Variants in STAC observed in about 807,000 individuals in gnomAD.
STAC encodes the protein SH3 and cysteine rich domain.
Under a neutral mutation model 48.8 loss-of-function variants are expected in STAC, and 43 were observed. The observed-to-expected ratio is 0.88, with a 90% CI of 0.69 to 1.14. STAC has a LOEUF of 1.14. STAC is among the 50% of genes most tolerant of loss of function. The probability of loss-of-function intolerance (pLI) is 0.00; values close to 1 mark genes in which losing one functional copy is unlikely to be tolerated. For missense variants in STAC, 497 were observed against 504.0 expected, an observed-to-expected ratio of 0.99 and a Z score of 0.13; for synonymous variants, 193 against 179.5, an observed-to-expected ratio of 1.07 and a Z score of -0.60.
chr3:36,520,887 T>C (rs1248500590), intron 8 of STAC, among the ~76,000 whole-genome samples: 1 of 152,186 alleles, frequency 6.6e-6, no homozygotes, highest in Non-Finnish European at 1.5e-5. Context: ...TTCAGTTGAA[T>C]GCTTTTCTCT....
chr3:36,433,882 G>A (rs1165096012), intron 1 of STAC, among the ~76,000 whole-genome samples: 1 of 152,210 alleles, frequency 6.6e-6, no homozygotes, highest in Non-Finnish European at 1.5e-5. Context: ...GGTTTTTGGA[G>A]CTGGCTATGA....
At chr3:36,516,585 T>C (rs1347571871) in intron 8 of STAC, among the ~76,000 whole-genome samples, 2 of 152,176 alleles carry the variant, frequency 1.3e-5, no homozygotes, top group Non-Finnish European at 2.9e-5. Flanking sequence ...CTGGAGGTAA[T>C]GCAGACCATG....
intron 10 of STAC, among the ~76,000 whole-genome samples, chr3:36,537,892 T>C (rs1393029712): frequency 6.6e-6 from 1 of 152,018 alleles, no homozygotes; most frequent in Non-Finnish European, 1.5e-5. Context: ...AATTGATGCA[T>C]AGTTTTATTG....
At chr3:36,513,389 T>G (rs891977607) in intron 8 of STAC, among the ~76,000 whole-genome samples, 23 of 152,198 alleles carry the variant, frequency 1.5e-4, no homozygotes, top group Non-Finnish European at 3.2e-4. Flanking sequence ...CAAAATGTAT[T>G]TGATGCTCAA....
Position 36,512,243 on chromosome 3 carries a change from G to A in STAC, c.920+6409G>A, listed in dbSNP as rs1210450283. 3.3e-5 allele frequency among the ~76,000 whole-genome samples: 5 copies of A among 152,130 alleles called. No homozygotes were observed. In the East Asian group the frequency reaches 9.6e-4, roughly 29 times the overall value. On this transcript the variant is annotated intron_variant, in intron 8 of 10. Coordinates refer to ENST00000273183, the MANE Select transcript of STAC (RefSeq NM_003149.3). ...ATAATCAGTGGGAGAGGAGGAGACG[G>A]GCTTTATCAAGTAAAGCCGTGTTCT...
At chr3:36,391,398 A>G (rs17034997) in intron 1 of STAC, among the ~76,000 whole-genome samples, 25,593 of 152,106 alleles carry the variant, frequency 0.17, 2,686 homozygotes, top group Middle Eastern at 0.23. Flanking sequence ...TTCATCCACC[A>G]GCTGAAAACT....
chr3:36,398,316 A>AAAGCAAGCAAGCAAGC (rs58878974), intron 1 of STAC, among the ~76,000 whole-genome samples: 1 of 100,288 alleles, frequency 1.0e-5, no homozygotes, highest in East Asian at 2.9e-4. Context: ...AGAAAGAAAG[A>AAAGCAAGCAAGCAAGC]AAGCAAGAAA....
chr3:36,434,321 G>GAAAAAAAA (rs1282036934), intron 1 of STAC, among the ~76,000 whole-genome samples: 1 of 152,130 alleles, frequency 6.6e-6, no homozygotes, highest in African/African-American at 2.4e-5. Flanking sequence ...AACGAAAATA[G>GAAAAAAAA]TGAGCATTTC....
chr3:36,394,513 A>G (rs1352174397), intron 1 of STAC, among the ~76,000 whole-genome samples: 1 of 152,216 alleles, frequency 6.6e-6, no homozygotes, highest in African/African-American at 2.4e-5. Flanking sequence ...GTGGGACTAC[A>G]GCATAGCAAG....
At chr3:36,380,778 G>C in intron 1 of STAC, 24 bp downstream of exon 1, 1 of 1,573,076 alleles carries the variant, frequency 6.4e-7, no homozygotes, top group Non-Finnish European at 8.7e-7. Context: ...TTGCCCCCAA[G>C]AGAACACAAA....
At chr3:36,510,136 G>A (rs1698499804) in intron 8 of STAC, among the ~76,000 whole-genome samples, 1 of 152,028 alleles carries the variant, frequency 6.6e-6, no homozygotes, top group South Asian at 2.1e-4. Flanking sequence ...ATCAAAAAGT[G>A]GGCAAAGGAT....
At chr3:36,409,632 C>T (rs907341907) in intron 1 of STAC, 2 of 152,158 alleles carry the variant, frequency 1.3e-5, no homozygotes, top group African/African-American at 4.8e-5. Flanking sequence ...CACAGTGACA[C>T]TGACTTGAAG....
intron 5 of STAC, among the ~76,000 whole-genome samples, chr3:36,491,432 G>T (rs184320893): frequency 2.1e-4 from 32 of 152,254 alleles, no homozygotes; most frequent in African/African-American, 7.7e-4. Flanking sequence ...ATAATCTTCA[G>T]TTTCATAAGA....
At chr3:36,498,682 G>A (rs1250344985) in intron 6 of STAC, among the ~76,000 whole-genome samples, 1 of 152,104 alleles carries the variant, frequency 6.6e-6, no homozygotes, top group Non-Finnish European at 1.5e-5. Flanking sequence ...GAACCTGGGA[G>A]TTTGAGGCTG....
At chr3:36,384,304 A>T (rs1381611332) in intron 1 of STAC, among the ~76,000 whole-genome samples, 3 of 152,092 alleles carry the variant, frequency 2.0e-5, no homozygotes, top group Admixed American at 2.0e-4. Context: ...TTGAGGAATC[A>T]CACCTCAATA....
chr3:36,492,728 G>C (rs1698024509), intron 5 of STAC, among the ~76,000 whole-genome samples: 2 of 152,196 alleles, frequency 1.3e-5, no homozygotes, highest in Admixed American at 6.5e-5. Context: ...TACCTAAGTA[G>C]TGCATCCCTC....
At chr3:36,482,859 T>C in intron 2 of STAC, 133 bp from the exon 3 acceptor site, 1 of 630,234 alleles carries the variant, frequency 1.6e-6, no homozygotes, top group Non-Finnish European at 2.8e-6. Context: ...ATATATTTTT[T>C]TTCTATTTTG....
chr3:36,511,142 C>T (rs938811302), intron 8 of STAC, among the ~76,000 whole-genome samples: 22 of 151,754 alleles, frequency 1.4e-4, no homozygotes, highest in Admixed American at 4.0e-4. Context: ...TGAGGTTCCT[C>T]GTGTTTCAGG....
intron 1 of STAC, among the ~76,000 whole-genome samples, chr3:36,389,979 G>C (rs573544393): frequency 6.7e-6 from 1 of 149,402 alleles, no homozygotes; most frequent in Admixed American, 6.7e-5. Context: ...TGGGGGGGAA[G>C]GGAGTGCAGT....
Sources: allele counts gnomAD v4.1 joint callset (sites outside exome capture counted in the v4.1 genomes callset), GRCh38; gene constraint gnomAD v4.1.1; transcripts MANE v1.5; gene names NCBI Gene and HGNC (gene_info 2026-07-23, HGNC 2026-07-21).